Variants in RAD51B observed in about 807,000 individuals in gnomAD.
The protein encoded by RAD51B is RAD51 paralog B, also known as DNA repair protein RAD51 homolog 2.
Under a neutral mutation model 42.2 loss-of-function variants are expected in RAD51B, and 38 were observed. The observed-to-expected ratio is 0.90, with a 90% CI of 0.70 to 1.18. The LOEUF is 1.18. RAD51B is among the 50% of genes most tolerant of loss of function. The probability of loss-of-function intolerance (pLI) is 0.00; values close to 1 mark genes in which losing one functional copy is unlikely to be tolerated. For synonymous variants in RAD51B, 154 were observed against 145.2 expected (o/e 1.06, Z -0.43); for missense variants, 373 against 400.7 (o/e 0.93, Z 0.59).
intron 8 of RAD51B, among the ~76,000 whole-genome samples, chr14:68,297,013 G>A (rs1177954677): frequency 6.6e-6 from 1 of 152,196 alleles, no homozygotes; most frequent in Non-Finnish European, 1.5e-5. Flanking sequence ...CAGGGGAATT[G>A]ATGGCTGATT....
intron 7 of RAD51B, among the ~76,000 whole-genome samples, chr14:67,962,967 G>C (rs1293963844): frequency 6.6e-6 from 1 of 152,204 alleles, no homozygotes; most frequent in East Asian, 1.9e-4. Flanking sequence ...TAGTTTAAAA[G>C]TAATGTTAAT....
chr14:68,230,923 A>G (rs1410084914), intron 7 of RAD51B, among the ~76,000 whole-genome samples: 1 of 152,218 alleles, frequency 6.6e-6, no homozygotes, highest in Non-Finnish European at 1.5e-5. Context: ...GAAGGTCAAC[A>G]TTAGGGCCAG....
chr14:67,834,223 A>C (rs143421384), intron 3 of RAD51B, among the ~76,000 whole-genome samples: 1 of 152,198 alleles, frequency 6.6e-6, no homozygotes, highest in Non-Finnish European at 1.5e-5. Context: ...TGTGTATTGA[A>C]TTCCCTCTGC....
chr14:67,846,473 C>T (rs138203848), intron 4 of RAD51B, among the ~76,000 whole-genome samples: 40 of 152,218 alleles, frequency 2.6e-4, no homozygotes, highest in Non-Finnish European at 4.4e-4. Flanking sequence ...GCCAGCAAAA[C>T]GGTAGGGCAG....
Position 67,823,663 on chromosome 14 carries a change from A to G in RAD51B, c.84+36A>G, listed in dbSNP as rs188657838. ...TTTAACATTTTTATTGATAAGTTTT[A>G]TGCACAAGTTAACTTTATACCTTAA... is the stretch of plus-strand genomic sequence containing the variant. On this transcript the variant is annotated intron_variant, in intron 2 of 10. Coordinates refer to ENST00000471583, the MANE Select transcript of RAD51B (RefSeq NM_133510.4). The G allele has an allele frequency of 5.3e-5, 81 of 1,515,474 alleles. No homozygotes were observed. In the Admixed American group the frequency reaches 1.3e-3, roughly 25 times the overall value. The allele number at this position is 1,515,474 out of a possible 1,614,324, so 93.9% of individuals were successfully genotyped here. A position where few individuals can be genotyped will look rare whatever the true frequency, so the allele number is the denominator to read the frequency against.
chr14:68,681,802 T>G (rs1301780534), intron 11 of RAD51B, among the ~76,000 whole-genome samples: 2 of 152,244 alleles, frequency 1.3e-5, no homozygotes, highest in African/African-American at 4.8e-5. Context: ...GCCCTTTGCA[T>G]GAAGAAGCAT....
intron 9 of RAD51B, among the ~76,000 whole-genome samples, chr14:68,418,037 A>C (rs73276276): frequency 0.11 from 15,989 of 152,188 alleles, 1,348 homozygotes; most frequent in African/African-American, 0.23. Flanking sequence ...AATAAAATAA[A>C]AACAAAACAC....
intron 7 of RAD51B, among the ~76,000 whole-genome samples, chr14:68,175,931 C>A (rs1057148687): frequency 2.6e-5 from 4 of 152,186 alleles, no homozygotes; most frequent in Non-Finnish European, 5.9e-5. Context: ...TAGTTGCATT[C>A]AAATTTGCAA....
At chr14:68,091,970 G>C (rs1404265445) in intron 7 of RAD51B, among the ~76,000 whole-genome samples, 1 of 152,122 alleles carries the variant, frequency 6.6e-6, no homozygotes, top group Non-Finnish European at 1.5e-5. Context: ...TTTCCCCATT[G>C]CTTGTTTTTG....
intron 11 of RAD51B, among the ~76,000 whole-genome samples, chr14:68,664,565 C>A (rs1255120179): frequency 1.3e-5 from 2 of 152,158 alleles, no homozygotes; most frequent in Non-Finnish European, 2.9e-5. Context: ...GGAATTTCTG[C>A]CAAGATGGAG....
At chr14:67,882,718 C>G (rs1300591850) in intron 5 of RAD51B, among the ~76,000 whole-genome samples, 1 of 152,066 alleles carries the variant, frequency 6.6e-6, no homozygotes, top group Non-Finnish European at 1.5e-5. Context: ...TTCCATTCTT[C>G]TAGACACTCA....
At chr14:68,601,169 C>T (rs748394819) in intron 10 of RAD51B, among the ~76,000 whole-genome samples, 6 of 152,034 alleles carry the variant, frequency 3.9e-5, no homozygotes, top group Non-Finnish European at 7.4e-5. Context: ...GATTATCTTG[C>T]GGCCACTCTC....
chr14:68,441,267 G>A (rs1407824978), intron 9 of RAD51B, among the ~76,000 whole-genome samples: 1 of 152,008 alleles, frequency 6.6e-6, no homozygotes, highest in Non-Finnish European at 1.5e-5. Flanking sequence ...TTTAGGCCAG[G>A]CACGGTGGCT....
At chr14:68,108,271 A>G (rs770674332) in intron 7 of RAD51B, among the ~76,000 whole-genome samples, 3 of 151,984 alleles carry the variant, frequency 2.0e-5, no homozygotes, top group Admixed American at 6.6e-5. Flanking sequence ...ACACCTAGGT[A>G]TATACCCAAG....
At position 68,421,983 on chromosome 14, in the gene RAD51B, T is replaced by A. The variant is rs890070840; in HGVS notation, c.957+10456T>A. The A allele has an allele frequency of 6.5e-6, 10 of 1,528,128 alleles. No individual in the cohort carries two copies. The African/African-American group carries it at 1.4e-4, about 21-fold the overall frequency. 94.7% of individuals were successfully genotyped at this position (1,528,128 alleles called of 1,614,324 possible). ...GTAGATGGACTTGCCACCAGTGCCA[T>A]TATGGTGACTTCACAGTCACCACCC... is the stretch of plus-strand genomic sequence containing the variant. On this transcript the variant is annotated intron_variant, in intron 9 of 10. Transcript: ENST00000471583.
At chr14:68,600,499 G>T (rs1465245328), downstream of RAD51B, among the ~76,000 whole-genome samples, 1 of 152,170 alleles carries the variant, frequency 6.6e-6, no homozygotes, top group Non-Finnish European at 1.5e-5. Context: ...AGCCCACAGG[G>T]CTCGGCATTG....
intron 9 of RAD51B, among the ~76,000 whole-genome samples, chr14:68,438,541 A>G (rs189726969): frequency 6.6e-6 from 1 of 152,276 alleles, no homozygotes; most frequent in African/African-American, 2.4e-5. Flanking sequence ...ACTGCCATCA[A>G]GAATTAGGTT....
chr14:68,586,325 C>T (rs922264828), intron 10 of RAD51B, among the ~76,000 whole-genome samples: 16 of 152,206 alleles, frequency 1.1e-4, no homozygotes, highest in African/African-American at 3.9e-4. Context: ...TCCTCCCTGC[C>T]TGACCTAACC....
At chr14:68,165,702 G>A (rs974835120) in intron 7 of RAD51B, among the ~76,000 whole-genome samples, 2 of 152,118 alleles carry the variant, frequency 1.3e-5, no homozygotes, top group African/African-American at 4.8e-5. Flanking sequence ...GTGGTGCAGG[G>A]CTCTAAGTCT....
Sources: gnomAD v4.1 joint callset for allele counts (sites outside exome capture counted in the v4.1 genomes callset) on GRCh38, gnomAD v4.1.1 for gene constraint, MANE v1.5 for transcripts, NCBI Gene and HGNC (gene_info 2026-07-23, HGNC 2026-07-21) for gene names.